CHST11: variants seen among roughly 807,000 people sequenced by gnomAD.
CHST11 encodes the protein C4S-1.
In CHST11, 9 loss-of-function variants were observed where a neutral mutation model predicts 30.4. That is an observed-to-expected ratio of 0.30 (90% CI 0.18 to 0.52). The LOEUF is 0.52. CHST11 is among the 20% of genes least tolerant of loss of function. The probability of loss-of-function intolerance (pLI) is 0.97; values close to 1 mark genes in which losing one functional copy is unlikely to be tolerated. For synonymous variants in CHST11, 152 were observed against 187.8 expected (o/e 0.81, Z 1.56); for missense variants, 348 against 460.6 (o/e 0.76, Z 2.24).
intron 2 of CHST11, among the ~76,000 whole-genome samples, chr12:104,626,608 A>G (rs538562709): frequency 6.6e-6 from 1 of 151,720 alleles, no homozygotes; most frequent in South Asian, 2.1e-4. Context: ...CATGGTCAAA[A>G]TATACTTGTG....
Position 104,738,472 on chromosome 12 carries a change from C to T in CHST11, c.205-18477C>T, listed in dbSNP as rs370264707. 6.6e-5 allele frequency among the ~76,000 whole-genome samples: 10 copies of T among 152,220 alleles called. No homozygotes were observed. In the East Asian group the frequency reaches 1.7e-3, roughly 26 times the overall value. On this transcript the variant is annotated intron_variant, in intron 2 of 2. Coordinates refer to ENST00000303694, the MANE Select transcript of CHST11 (RefSeq NM_018413.6). ...GTGCCATGCGTCCATGGCACCTGTGCTTAATAAAAGCAGTGAACATGAACT... is the reference window on the plus strand; with the variant it reads ...GTGCCATGCGTCCATGGCACCTGTGTTTAATAAAAGCAGTGAACATGAACT...
intron 2 of CHST11, among the ~76,000 whole-genome samples, chr12:104,742,061 C>T (rs955988011): frequency 7.9e-5 from 12 of 152,192 alleles, no homozygotes; most frequent in African/African-American, 2.9e-4. Context: ...TCCTGAGTGC[C>T]TACTATGTGC....
intron 2 of CHST11, among the ~76,000 whole-genome samples, chr12:104,722,155 A>AGTGTGTGTGTGTGTGTGTGTGTGTGTGT (rs57545833): frequency 6.5e-5 from 9 of 137,482 alleles, no homozygotes; most frequent in African/African-American, 2.6e-4. Context: ...CACTCAGCTA[A>AGTGTGTGTGTGTGTGTGTGTGTGTGTGT]GTGTGTGTGT....
chr12:104,594,333 C>T (rs2038888097), intron 1 of CHST11, among the ~76,000 whole-genome samples: 1 of 152,156 alleles, frequency 6.6e-6, no homozygotes, highest in African/African-American at 2.4e-5. Context: ...ATTCAAAGAG[C>T]TACAGGATCC....
At chr12:104,755,412 C>T (rs1475698502) in intron 2 of CHST11, among the ~76,000 whole-genome samples, 1 of 152,172 alleles carries the variant, frequency 6.6e-6, no homozygotes, top group African/African-American at 2.4e-5. Flanking sequence ...CTATGAAGCA[C>T]ACTCAGTGTT....
chr12:104,504,497 C>T (rs1444093149), intron 1 of CHST11, among the ~76,000 whole-genome samples: 2 of 152,168 alleles, frequency 1.3e-5, no homozygotes, highest in African/African-American at 2.4e-5. Context: ...AGGACTCTCT[C>T]GGGTCTGGTG....
At chr12:104,749,170 C>T (rs949999849) in intron 2 of CHST11, among the ~76,000 whole-genome samples, 2 of 152,110 alleles carry the variant, frequency 1.3e-5, no homozygotes, top group African/African-American at 4.8e-5. Flanking sequence ...AAGAAAGCAA[C>T]CCTCCAAATA....
chr12:104,604,584 C>T (rs1355421470), intron 2 of CHST11, among the ~76,000 whole-genome samples: 1 of 152,120 alleles, frequency 6.6e-6, no homozygotes, highest in Non-Finnish European at 1.5e-5. Context: ...GGTTTTGTGT[C>T]CATGAGCCAT....
At chr12:104,659,467 G>T (rs2039577127) in intron 2 of CHST11, among the ~76,000 whole-genome samples, 1 of 152,164 alleles carries the variant, frequency 6.6e-6, no homozygotes. Flanking sequence ...GCTGCTCAGG[G>T]TGGTAGCCCT....
chr12:104,748,395 A>G (rs2040405062), intron 2 of CHST11, among the ~76,000 whole-genome samples: 1 of 152,168 alleles, frequency 6.6e-6, no homozygotes, highest in African/African-American at 2.4e-5. Flanking sequence ...CTCAACACCC[A>G]GGACTTCCAG....
At chr12:104,635,267 G>A (rs1163433925) in intron 2 of CHST11, among the ~76,000 whole-genome samples, 7 of 152,196 alleles carry the variant, frequency 4.6e-5, no homozygotes, top group South Asian at 4.1e-4. Flanking sequence ...GAAAGACAGC[G>A]TGGGAGGGAA....
intron 1 of CHST11, among the ~76,000 whole-genome samples, chr12:104,494,085 G>C (rs940909367): frequency 1.3e-5 from 2 of 152,164 alleles, no homozygotes; most frequent in Non-Finnish European, 2.9e-5. Flanking sequence ...TGGGATTATA[G>C]TGTGAGCCAC....
At chr12:104,671,275 T>A (rs1325221168) in intron 2 of CHST11, among the ~76,000 whole-genome samples, 4 of 152,062 alleles carry the variant, frequency 2.6e-5, no homozygotes, top group African/African-American at 9.7e-5. Flanking sequence ...GCATGGGGTG[T>A]GGGTGGTAGG....
intron 1 of CHST11, among the ~76,000 whole-genome samples, chr12:104,571,509 C>A (rs1312659866): frequency 6.6e-6 from 1 of 152,194 alleles, no homozygotes; most frequent in Admixed American, 6.5e-5. Flanking sequence ...CTCCAGCGTC[C>A]CACTTGTCAG....
intron 2 of CHST11, among the ~76,000 whole-genome samples, chr12:104,603,717 A>G (rs2038977763): frequency 6.6e-6 from 1 of 152,236 alleles, no homozygotes; most frequent in Admixed American, 6.5e-5. Flanking sequence ...GGTGGCTTCC[A>G]TATCAGAAGC....
intron 1 of CHST11, among the ~76,000 whole-genome samples, chr12:104,474,004 T>A (rs181847020): frequency 2.2e-3 from 328 of 151,886 alleles, no homozygotes; most frequent in African/African-American, 7.5e-3. Context: ...GAAACTAATA[T>A]AATGTAATCA....
At chr12:104,634,141 TAA>T (rs756451758) in intron 2 of CHST11, among the ~76,000 whole-genome samples, 2 of 152,226 alleles carry the variant, frequency 1.3e-5, no homozygotes, top group Non-Finnish European at 2.9e-5. Flanking sequence ...TGTTGATGAG[TAA>T]TTATTCAGCA....
intron 2 of CHST11, among the ~76,000 whole-genome samples, chr12:104,723,053 G>A (rs889632763): frequency 1.3e-5 from 2 of 152,096 alleles, no homozygotes; most frequent in Non-Finnish European, 2.9e-5. Context: ...AGCCTGACAT[G>A]CCTGGCTGAG....
intron 1 of CHST11, among the ~76,000 whole-genome samples, chr12:104,474,485 C>G (rs2037539122): frequency 6.6e-6 from 1 of 152,168 alleles, no homozygotes; most frequent in South Asian, 2.1e-4. Flanking sequence ...GCAGAGAATT[C>G]TTTCAAGGCT....
Sources: gnomAD v4.1 joint callset for allele counts (sites outside exome capture counted in the v4.1 genomes callset) on GRCh38, gnomAD v4.1.1 for gene constraint, MANE v1.5 for transcripts, NCBI Gene and HGNC (gene_info 2026-07-23, HGNC 2026-07-21) for gene names.